Variants in HCFC2 observed in about 807,000 individuals in gnomAD.
The protein encoded by HCFC2 is host cell factor C2, also known as host cell factor 2.
HCFC2 carries 18 observed loss-of-function variants against 89.2 expected under a neutral mutation model. That is an observed-to-expected ratio of 0.20 (90% CI 0.14 to 0.30). The LOEUF is 0.30. Among genes scored for constraint, HCFC2 ranks in the 10% least tolerant of loss-of-function variants. The probability of loss-of-function intolerance (pLI) is 1.00; values close to 1 mark genes in which losing one functional copy is unlikely to be tolerated. For missense variants in HCFC2, 578 were observed against 956.1 expected, an observed-to-expected ratio of 0.60 and a Z score of 5.21; for synonymous variants, 308 against 335.7, an observed-to-expected ratio of 0.92 and a Z score of 0.90.
intron 9 of HCFC2, among the ~76,000 whole-genome samples, chr12:104,091,727 A>C (rs1192474287): frequency 6.6e-6 from 1 of 152,220 alleles, no homozygotes; most frequent in Non-Finnish European, 1.5e-5. Flanking sequence ...TTCGAATTCT[A>C]GCTGTTACTT....
chr12:104,079,319 C>T (rs1883609847), intron 3 of HCFC2, 126 bp from the exon 4 acceptor site: 6 of 723,728 alleles, frequency 8.3e-6, no homozygotes, highest in Non-Finnish European at 9.0e-6. Context: ...TTTCTGCTCT[C>T]CTAATGCCTT....
At chr12:104,065,894 A>G (rs1477184128) in intron 1 of HCFC2, among the ~76,000 whole-genome samples, 2 of 152,152 alleles carry the variant, frequency 1.3e-5, no homozygotes, top group African/African-American at 2.4e-5. Flanking sequence ...CTTTTGGGCC[A>G]GGTAATTCTT....
intron 4 of HCFC2, among the ~76,000 whole-genome samples, chr12:104,080,094 G>A (rs1379044899): frequency 6.6e-6 from 1 of 152,200 alleles, no homozygotes; most frequent in Non-Finnish European, 1.5e-5. Context: ...TCCTAGGAAT[G>A]AATGATTGGA....
Position 104,098,479 on chromosome 12 carries a change from A to G in HCFC2, c.1877A>G (p.Lys626Arg). Residue 626 changes from lysine to arginine, a missense_variant and splice_region_variant, in exon 13 of 15, where the codon AAG becomes AGG. By Grantham distance (26) the Lys-to-Arg change is conservative. Coordinates refer to ENST00000229330, the MANE Select transcript of HCFC2 (RefSeq NM_013320.3). The stretch of plus-strand genomic sequence containing the variant: ...CCAAAAGGGAAGCAAAGCATCTCAA[A>G]GGTAGCTATTGATATATTTTCTACA... Reference protein sequence around the residue: ...LLPKGKQSISKVGNADVPDYS... With the variant: ...LLPKGKQSISRVGNADVPDYS... 6.3e-7 allele frequency: 1 copy of G among 1,599,974 alleles called. No individual in the cohort carries two copies. Among genetic ancestry groups the G allele is most frequent in the Non-Finnish European group, 8.5e-7 (1 of 1,175,076 alleles).
intron 3 of HCFC2, among the ~76,000 whole-genome samples, chr12:104,069,893 C>T (rs1883267619): frequency 1.3e-5 from 2 of 152,142 alleles, no homozygotes; most frequent in African/African-American, 4.8e-5. Flanking sequence ...TGTTCCCTTC[C>T]CTCTGTCCAT....
chr12:104,082,907 TAAGAATATTTAACA>T lies in HCFC2; in HGVS notation c.1063+9_1063+22del. On this transcript the variant is annotated splice_region_variant and intron_variant, in intron 7 of 14. Transcript: ENST00000229330. ...TCTTTGGTATCTTGATACTGGTAGGTAAGAATATTTAACAAATAAACTTTTTCCTTTAGGTAAGC... is the reference window on the plus strand; with the variant it reads ...TCTTTGGTATCTTGATACTGGTAGGTAATAAACTTTTTCCTTTAGGTAAGC... 1 of 1,578,468 alleles carries T rather than the reference TAAGAATATTTAACA, an allele frequency of 6.3e-7. No individual in the cohort carries two copies. The highest frequency in any genetic ancestry group is 8.6e-7 in the Non-Finnish European group (1 of 1,164,478).
chr12:104,082,644 A>G, intron 6 of HCFC2, 38 bp downstream of exon 6: 1 of 1,566,418 alleles, frequency 6.4e-7, no homozygotes. Context: ...ATTAATCTTT[A>G]TTAATAAGAT....
In HCFC2 at chr12:104,079,684, A is replaced by G. The variant is rs767806785; in HGVS notation, c.682+31A>G. 6.0e-6 allele frequency: 9 copies of G among 1,507,390 alleles called. No homozygotes were observed. The South Asian group carries it at 1.0e-4, about 17-fold the overall frequency. 93.4% of individuals were successfully genotyped at this position (1,507,390 alleles called of 1,614,324 possible). A position where few individuals can be genotyped will look rare whatever the true frequency, so the allele number is the denominator to read the frequency against. ...TTTAACTTGATTCAGGCTCAGGAAT[A>G]GGGCAAATTAAAAAATGCTTTGAAA... On this transcript the variant is annotated intron_variant, in intron 4 of 14. Coordinates refer to ENST00000229330, the MANE Select transcript of HCFC2 (RefSeq NM_013320.3).
intron 3 of HCFC2, among the ~76,000 whole-genome samples, chr12:104,076,984 G>A (rs890957584): frequency 5.9e-5 from 9 of 152,180 alleles, no homozygotes; most frequent in Admixed American, 4.6e-4. Context: ...GTTCGTGTAC[G>A]TGCGTGTTTA....
At chr12:104,101,058 C>G (rs922581726) in intron 13 of HCFC2, among the ~76,000 whole-genome samples, 1 of 127,004 alleles carries the variant, frequency 7.9e-6, no homozygotes, top group African/African-American at 2.5e-5. Context: ...CAGTGGCACT[C>G]TGTCTAACTG....
At chr12:104,069,858 A>G (rs1883266298) in intron 3 of HCFC2, among the ~76,000 whole-genome samples, 1 of 149,294 alleles carries the variant, frequency 6.7e-6, no homozygotes, top group African/African-American at 2.5e-5. Flanking sequence ...TTGCCCTGCA[A>G]CCCCCGATAT....
At chr12:104,066,029 C>A in intron 1 of HCFC2, 138 bp from the exon 2 acceptor site, 1 of 797,772 alleles carries the variant, frequency 1.3e-6, no homozygotes, top group Non-Finnish European at 2.0e-6. Context: ...AAAAATGTCA[C>A]CAGACATTAC....
rs1349810649 is a variant in HCFC2 at position 104,104,076 on chromosome 12, T to G, written c.*803T>G. On this transcript the variant is annotated 3_prime_UTR_variant, in exon 15 of 15. Coordinates refer to ENST00000229330, the MANE Select transcript of HCFC2 (RefSeq NM_013320.3). Reference sequence around the variant, plus strand: ...GTGTTTTTAGTAGAAGTGAAGTATGTCCCTGAACATTTTCATCTGTCTTAA... The same window carrying G: ...GTGTTTTTAGTAGAAGTGAAGTATGGCCCTGAACATTTTCATCTGTCTTAA... 1.3e-5 allele frequency: 2 copies of G among 152,088 alleles called. No homozygotes were observed. Among genetic ancestry groups the G allele is most frequent in the African/African-American group, 2.4e-5 (1 of 41,456 alleles). 9.4% of individuals were successfully genotyped at this position (152,088 alleles called of 1,614,324 possible).
intron 3 of HCFC2, among the ~76,000 whole-genome samples, chr12:104,070,680 G>A (rs931204855): frequency 1.3e-5 from 2 of 151,816 alleles, no homozygotes; most frequent in Non-Finnish European, 2.9e-5. Flanking sequence ...ATTGATGGTA[G>A]GATCTTAACT....
intron 9 of HCFC2, among the ~76,000 whole-genome samples, chr12:104,091,934 T>C (rs570214520): frequency 6.6e-6 from 1 of 152,278 alleles, no homozygotes; most frequent in South Asian, 2.1e-4. Context: ...TCATCACTTA[T>C]AAACAGTAGC....
At chr12:104,090,341 CT>C (rs1258298450) in intron 9 of HCFC2, among the ~76,000 whole-genome samples, 3 of 151,982 alleles carry the variant, frequency 2.0e-5, no homozygotes, top group Non-Finnish European at 4.4e-5. Context: ...TATATATGAC[CT>C]AATTTTTTAT....
At chr12:104,069,115 G>A (rs111622913) in intron 3 of HCFC2, among the ~76,000 whole-genome samples, 1,590 of 152,126 alleles carry the variant, frequency 0.01, 28 homozygotes, top group African/African-American at 0.037. Flanking sequence ...AGATCAGCCT[G>A]GGCAACATGG....
intron 3 of HCFC2, among the ~76,000 whole-genome samples, chr12:104,071,156 A>C (rs545318372): frequency 6.6e-6 from 1 of 152,350 alleles, no homozygotes; most frequent in African/African-American, 2.4e-5. Flanking sequence ...TCCATTAAAC[A>C]GATTTTTAAA....
chr12:104,067,897 A>C, intron 2 of HCFC2, 50 bp from the exon 3 acceptor site: 1 of 1,516,642 alleles, frequency 6.6e-7, no homozygotes. Context: ...ACAATATAGG[A>C]GTGCTTTCTT....
Sources: allele counts gnomAD v4.1 joint callset (sites outside exome capture counted in the v4.1 genomes callset), GRCh38; gene constraint gnomAD v4.1.1; transcripts MANE v1.5; gene names NCBI Gene and HGNC (gene_info 2026-07-23, HGNC 2026-07-21).